SPOCK3: variants seen among roughly 807,000 people sequenced by gnomAD.
The protein encoded by SPOCK3 is SPARC (osteonectin), cwcv and kazal like domains proteoglycan 3, also known as testican-3.
SPOCK3 carries 30 observed loss-of-function variants against 56.6 expected under a neutral mutation model. The observed-to-expected ratio is 0.53, with a 90% CI of 0.40 to 0.72. The LOEUF (loss-of-function observed/expected upper bound fraction) is 0.72, where lower values mean the gene tolerates loss of function less well. Among genes scored for constraint, SPOCK3 ranks in the 30% least tolerant of loss-of-function variants. The pLI is 0.00. For missense variants in SPOCK3, 527 were observed against 530.0 expected (o/e 0.99, Z 0.06); for synonymous variants, 196 against 183.3 (o/e 1.07, Z -0.56).
At chr4:167,057,851 C>A (rs994421303) in intron 3 of SPOCK3, among the ~76,000 whole-genome samples, 3 of 152,110 alleles carry the variant, frequency 2.0e-5, no homozygotes, top group Admixed American at 6.5e-5. Flanking sequence ...GCCTTTAACA[C>A]CCCACTGTCA....
chr4:167,078,342 G>C (rs571141702), intron 2 of SPOCK3, among the ~76,000 whole-genome samples: 1 of 141,752 alleles, frequency 7.1e-6, no homozygotes, highest in Middle Eastern at 3.2e-3. Flanking sequence ...GTGTGTGTGT[G>C]TGTGTGTGTG....
chr4:166,738,410 A>C (rs1734441777), intron 9 of SPOCK3, among the ~76,000 whole-genome samples: 1 of 89,076 alleles, frequency 1.1e-5, no homozygotes, highest in Admixed American at 1.3e-4. Context: ...CAGATAGATA[A>C]ATATTTTTTA....
intron 2 of SPOCK3, among the ~76,000 whole-genome samples, chr4:167,088,705 G>A (rs1424570570): frequency 3.3e-5 from 5 of 151,674 alleles, no homozygotes; most frequent in Admixed American, 3.3e-4. Flanking sequence ...CTTCGTGATC[G>A]GCCCTCCTGG....
At chr4:166,811,147 T>C (rs897300383) in intron 6 of SPOCK3, among the ~76,000 whole-genome samples, 4 of 151,886 alleles carry the variant, frequency 2.6e-5, no homozygotes, top group African/African-American at 9.7e-5. Context: ...CCATTATCAA[T>C]TGTTTTACCT....
intron 3 of SPOCK3, among the ~76,000 whole-genome samples, chr4:167,039,495 GTGTA>G (rs1231082192): frequency 6.6e-6 from 1 of 152,020 alleles, no homozygotes; most frequent in Non-Finnish European, 1.5e-5. Flanking sequence ...CATTATATAT[GTGTA>G]TGTGTGTGTG....
In SPOCK3 at chr4:167,090,357, G is replaced by A. The variant is rs534028160; in HGVS notation, c.190-27820C>T. On this transcript the variant is annotated intron_variant, in intron 2 of 10. Coordinates refer to ENST00000357545, the MANE Select transcript of SPOCK3 (RefSeq NM_001040159.2). ...TAATGTATAGTGGTATTTCATTTTG[G>A]TTTTAATTTGCATTTACACAGTGAC... Among the ~76,000 whole-genome samples, 3 of 151,756 alleles carry A rather than the reference G, an allele frequency of 2.0e-5. No homozygotes were observed. In the South Asian group the frequency reaches 6.2e-4, roughly 32 times the overall value.
In SPOCK3 at chr4:167,152,657, T is replaced by G. The variant is rs547365346; in HGVS notation, c.189+81328A>C. Among the ~76,000 whole-genome samples, 3 of 152,286 alleles carry G rather than the reference T, an allele frequency of 2.0e-5. No individual in the cohort carries two copies. The South Asian group carries it at 6.2e-4, about 32-fold the overall frequency. On this transcript the variant is annotated intron_variant, in intron 2 of 10. Coordinates refer to ENST00000357545, the MANE Select transcript of SPOCK3 (RefSeq NM_001040159.2). ...AATAGAAGTAAAATGTAATTATGAG[T>G]GCTTGTTGATGGCTGAGAGCAGAAT... is the stretch of plus-strand genomic sequence containing the variant.
At chr4:167,168,490 AC>A (rs1257920420) in intron 2 of SPOCK3, among the ~76,000 whole-genome samples, 4 of 152,060 alleles carry the variant, frequency 2.6e-5, no homozygotes, top group African/African-American at 9.7e-5. Context: ...GAGACGAGGA[AC>A]TTTTTGGGAA....
intron 5 of SPOCK3, 109 bp from the exon 6 acceptor site, chr4:166,889,353 T>A: frequency 1.5e-6 from 1 of 671,598 alleles, no homozygotes. Context: ...ATTTGGAGAT[T>A]TTTCCACCAG....
intron 2 of SPOCK3, among the ~76,000 whole-genome samples, chr4:167,154,495 A>G (rs1051816228): frequency 5.9e-5 from 9 of 152,176 alleles, no homozygotes; most frequent in African/African-American, 2.2e-4. Context: ...CTGCAATGCT[A>G]AAAGATTATT....
At chr4:167,043,056 T>G (rs1753374371) in intron 3 of SPOCK3, among the ~76,000 whole-genome samples, 1 of 152,100 alleles carries the variant, frequency 6.6e-6, no homozygotes, top group South Asian at 2.1e-4. Flanking sequence ...CAGAATGTCA[T>G]TTAGGTGGCA....
chr4:166,849,806 T>C (rs1340315815), intron 6 of SPOCK3, among the ~76,000 whole-genome samples: 1 of 152,188 alleles, frequency 6.6e-6, no homozygotes, highest in African/African-American at 2.4e-5. Flanking sequence ...TCTCAATGAA[T>C]TTGTGTTAGC....
intron 3 of SPOCK3, among the ~76,000 whole-genome samples, chr4:167,035,883 C>T (rs892940807): frequency 6.6e-6 from 1 of 152,088 alleles, no homozygotes; most frequent in African/African-American, 2.4e-5. Context: ...TCTGCAACTC[C>T]ATGTCATTCT....
intron 2 of SPOCK3, among the ~76,000 whole-genome samples, chr4:167,081,134 G>T (rs1757668699): frequency 6.6e-6 from 1 of 151,880 alleles, no homozygotes; most frequent in South Asian, 2.1e-4. Flanking sequence ...AGGCAGCATG[G>T]CATAGCAGAA....
chr4:167,076,890 C>T (rs748134902), intron 2 of SPOCK3, among the ~76,000 whole-genome samples: 31 of 151,696 alleles, frequency 2.0e-4, no homozygotes, highest in Middle Eastern at 3.2e-3. Context: ...ACTTAGCTTG[C>T]GATTTTTACA....
At chr4:167,181,728 C>T (rs1731472277) in intron 2 of SPOCK3, among the ~76,000 whole-genome samples, 1 of 152,166 alleles carries the variant, frequency 6.6e-6, no homozygotes, top group South Asian at 2.1e-4. Context: ...ATGATTCTTA[C>T]CTACCTTTTG....
chr4:167,009,043 T>C (rs1396442599), intron 3 of SPOCK3, among the ~76,000 whole-genome samples: 1 of 152,120 alleles, frequency 6.6e-6, no homozygotes, highest in East Asian at 1.9e-4. Context: ...TAAAAGGTCT[T>C]CAATTACTTT....
intron 6 of SPOCK3, among the ~76,000 whole-genome samples, chr4:166,823,491 A>G (rs971949876): frequency 5.9e-5 from 9 of 152,086 alleles, no homozygotes; most frequent in African/African-American, 2.2e-4. Context: ...GCTGACTGAC[A>G]TAAGTCATTT....
chr4:167,191,135 A>G (rs533300057), intron 2 of SPOCK3, among the ~76,000 whole-genome samples: 1 of 146,150 alleles, frequency 6.8e-6, no homozygotes, highest in South Asian at 2.1e-4. Context: ...TACACAGTAT[A>G]GGATTGTTTT....
Sources: allele counts gnomAD v4.1 joint callset (sites outside exome capture counted in the v4.1 genomes callset), GRCh38; gene constraint gnomAD v4.1.1; transcripts MANE v1.5; gene names NCBI Gene and HGNC (gene_info 2026-07-23, HGNC 2026-07-21).